The following NKAIN2 variants were observed in gnomAD, a reference collection of about 807,000 sequenced individuals.
NKAIN2 encodes sodium/potassium-transporting ATPase subunit beta-1-interacting protein 2.
NKAIN2 carries 14 observed loss-of-function variants against 32.6 expected under a neutral mutation model. That is an observed-to-expected ratio of 0.43 (90% CI 0.28 to 0.67). The LOEUF is 0.67. NKAIN2 is among the 30% of genes least tolerant of loss of function. The pLI is 0.17. For missense variants in NKAIN2, 198 were observed against 258.3 expected, an observed-to-expected ratio of 0.77 and a Z score of 1.60; for synonymous variants, 80 against 87.2, an observed-to-expected ratio of 0.92 and a Z score of 0.46.
chr6:124,417,213 G>A (rs489331), intron 3 of NKAIN2, among the ~76,000 whole-genome samples: 34,714 of 151,996 alleles, frequency 0.23, 4,149 homozygotes, highest in East Asian at 0.33. Context: ...AGCAATTACG[G>A]ACACATCTGA....
Position 124,157,070 on chromosome 6 carries a change from T to G in NKAIN2, c.55-125935T>G, listed in dbSNP as rs576185580. Among the ~76,000 whole-genome samples the G allele has an allele frequency of 3.5e-4, 42 of 119,248 alleles. 1 individual carries two copies. The South Asian group carries it at 0.012, about 35-fold the overall frequency. 78.2% of individuals were successfully genotyped at this position (119,248 alleles called of 152,430 possible). On this transcript the variant is annotated intron_variant, in intron 1 of 6. Transcript: ENST00000368417. ...GTGAGCCGAGATCGAGCCACTGCAC[T>G]CCGGCCTGGGTGGCAGAGTGAGACT...
chr6:124,017,478 T>C (rs1000130415), intron 1 of NKAIN2, among the ~76,000 whole-genome samples: 1 of 152,160 alleles, frequency 6.6e-6, no homozygotes, highest in Non-Finnish European at 1.5e-5. Context: ...AAGTCTCTTC[T>C]GAGAAAAGGC....
At chr6:124,079,135 A>G (rs953327399) in intron 1 of NKAIN2, among the ~76,000 whole-genome samples, 1 of 152,048 alleles carries the variant, frequency 6.6e-6, no homozygotes, top group African/African-American at 2.4e-5. Flanking sequence ...CAGCCTGGCC[A>G]ACATGGTGAA....
chr6:124,318,225 C>T (rs1797041006), intron 2 of NKAIN2, among the ~76,000 whole-genome samples: 1 of 151,944 alleles, frequency 6.6e-6, no homozygotes, highest in South Asian at 2.1e-4. Flanking sequence ...ATGTAGTATT[C>T]TTGATGTTTT....
intron 1 of NKAIN2, among the ~76,000 whole-genome samples, chr6:123,813,593 C>T (rs533029165): frequency 6.6e-5 from 10 of 152,234 alleles, no homozygotes; most frequent in Admixed American, 6.5e-4. Flanking sequence ...CGGTAGATCA[C>T]CTGAGGTCAG....
At chr6:123,929,712 T>C (rs144394260) in intron 1 of NKAIN2, among the ~76,000 whole-genome samples, 1 of 152,214 alleles carries the variant, frequency 6.6e-6, no homozygotes, top group Non-Finnish European at 1.5e-5. Context: ...CATGTTGTAG[T>C]TCTCAATCTT....
At chr6:124,722,045 C>T (rs7742343) in intron 4 of NKAIN2, among the ~76,000 whole-genome samples, 4 of 152,156 alleles carry the variant, frequency 2.6e-5, no homozygotes, top group Non-Finnish European at 5.9e-5. Context: ...GACTACTCAG[C>T]GTACCTAATA....
intron 3 of NKAIN2, among the ~76,000 whole-genome samples, chr6:124,646,818 G>A (rs951799175): frequency 6.6e-6 from 1 of 152,070 alleles, no homozygotes; most frequent in Admixed American, 6.6e-5. Flanking sequence ...AGGTGTGGTG[G>A]TGCATGCCTG....
intron 3 of NKAIN2, among the ~76,000 whole-genome samples, chr6:124,455,845 G>T (rs577671729): frequency 5.3e-5 from 8 of 151,842 alleles, no homozygotes; most frequent in Non-Finnish European, 8.8e-5. Flanking sequence ...TGTAACAGGT[G>T]TCCCTTCAGC....
At chr6:123,856,876 A>G (rs1775575408) in intron 1 of NKAIN2, among the ~76,000 whole-genome samples, 1 of 152,174 alleles carries the variant, frequency 6.6e-6, no homozygotes, top group Admixed American at 6.5e-5. Context: ...TTAATCACAT[A>G]AACAATAAAA....
In NKAIN2 at chr6:124,361,814, A is replaced by G. The variant is rs182244887; in HGVS notation, c.273+6467A>G. On this transcript the variant is annotated intron_variant, in intron 3 of 6. Coordinates refer to ENST00000368417, the MANE Select transcript of NKAIN2 (RefSeq NM_001040214.3). ...GTAGACTATAGGGAACAAATCCTTAAAACCAGATGCAAGTGCAATGTGGAA... is the reference window on the plus strand; with the variant it reads ...GTAGACTATAGGGAACAAATCCTTAGAACCAGATGCAAGTGCAATGTGGAA... Among the ~76,000 whole-genome samples the G allele has an allele frequency of 1.7e-3, 258 of 152,216 alleles. 1 individual carries two copies. The highest frequency in any genetic ancestry group is 5.8e-3 in the African/African-American group (243 of 41,578).
At chr6:124,787,886 A>C (rs1197806993) in intron 4 of NKAIN2, among the ~76,000 whole-genome samples, 1 of 151,964 alleles carries the variant, frequency 6.6e-6, no homozygotes, top group Non-Finnish European at 1.5e-5. Context: ...ACCTAAACAC[A>C]ACCCCTATCT....
At chr6:124,683,125 G>T (rs1397623086) in intron 4 of NKAIN2, among the ~76,000 whole-genome samples, 1 of 152,242 alleles carries the variant, frequency 6.6e-6, no homozygotes, top group South Asian at 2.1e-4. Context: ...GTAAATACTT[G>T]ACAGGTGAAT....
At chr6:124,243,143 T>A (rs897861294) in intron 1 of NKAIN2, among the ~76,000 whole-genome samples, 4 of 149,798 alleles carry the variant, frequency 2.7e-5, no homozygotes, top group Non-Finnish European at 5.9e-5. Context: ...CAGAAGTAGG[T>A]TTCAAAACAA....
intron 3 of NKAIN2, among the ~76,000 whole-genome samples, chr6:124,595,521 C>T (rs17052118): frequency 0.015 from 2,286 of 152,270 alleles, 60 homozygotes; most frequent in African/African-American, 0.052. Flanking sequence ...AAAGAACAAC[C>T]GCTTTATGAG....
intron 3 of NKAIN2, among the ~76,000 whole-genome samples, chr6:124,530,785 C>A (rs995740061): frequency 6.6e-6 from 1 of 152,134 alleles, no homozygotes; most frequent in Non-Finnish European, 1.5e-5. Flanking sequence ...GGGGGTAGGG[C>A]AGGTCGCTGT....
At chr6:124,152,782 A>G (rs1171485514) in intron 1 of NKAIN2, among the ~76,000 whole-genome samples, 1 of 152,004 alleles carries the variant, frequency 6.6e-6, no homozygotes, top group African/African-American at 2.4e-5. Flanking sequence ...ATGAATGGAA[A>G]TAGAAAATTT....
intron 3 of NKAIN2, among the ~76,000 whole-genome samples, chr6:124,517,264 G>T (rs1196151300): frequency 2.0e-5 from 3 of 152,128 alleles, no homozygotes; most frequent in African/African-American, 7.2e-5. Context: ...GTCCTTCAGG[G>T]AGTCACTCCA....
intron 1 of NKAIN2, among the ~76,000 whole-genome samples, chr6:124,172,518 A>T (rs1158584022): frequency 6.6e-6 from 1 of 152,186 alleles, no homozygotes; most frequent in East Asian, 1.9e-4. Context: ...CCTCTGTTTA[A>T]TACAGAATAT....
Sources: allele counts gnomAD v4.1 joint callset (sites outside exome capture counted in the v4.1 genomes callset), GRCh38; gene constraint gnomAD v4.1.1; transcripts MANE v1.5; gene names NCBI Gene and HGNC (gene_info 2026-07-23, HGNC 2026-07-21).